Variants in HDAC4 observed in about 807,000 individuals in gnomAD.
HDAC4 encodes histone deacetylase 4, also known as histone deacetylase A.
HDAC4 carries 16 observed loss-of-function variants against 135.1 expected under a neutral mutation model. The ratio of observed to expected loss-of-function variants is 0.12; its 90% CI spans 0.08 to 0.18. The LOEUF is 0.18. HDAC4 is among the 10% of genes least tolerant of loss of function. HDAC4 has a pLI of 1.00. For synonymous variants in HDAC4, 685 were observed against 653.4 expected (o/e 1.05, Z -0.74); for missense variants, 1,143 against 1,511.8 (o/e 0.76, Z 4.05).
chr2:239,377,334 G>A (rs1019321465), intron 1 of HDAC4, among the ~76,000 whole-genome samples: 4 of 152,328 alleles, frequency 2.6e-5, no homozygotes, highest in African/African-American at 4.8e-5. Flanking sequence ...TGCCTCTGGA[G>A]GCCCCAAAAT....
intron 1 of HDAC4, among the ~76,000 whole-genome samples, chr2:239,375,108 G>C (rs1477317036): frequency 2.6e-5 from 4 of 152,150 alleles, no homozygotes; most frequent in Non-Finnish European, 5.9e-5. Flanking sequence ...AACACGCAGA[G>C]CCAGGCAGGG....
intron 3 of HDAC4, among the ~76,000 whole-genome samples, chr2:239,213,700 C>T (rs779180923): frequency 5.3e-5 from 8 of 152,194 alleles, no homozygotes; most frequent in African/African-American, 1.4e-4. Context: ...CAAGGGGAGA[C>T]GCACAGGACA....
At chr2:239,184,585 G>C (rs1438292282) in intron 4 of HDAC4, among the ~76,000 whole-genome samples, 5 of 117,368 alleles carry the variant, frequency 4.3e-5, no homozygotes, top group Non-Finnish European at 7.0e-5. Context: ...GTGCCCTATC[G>C]GGGGGGGTCC....
intron 1 of HDAC4, among the ~76,000 whole-genome samples, chr2:239,379,319 C>T (rs1445768415): frequency 1.3e-5 from 2 of 152,166 alleles, no homozygotes; most frequent in Admixed American, 1.3e-4. Context: ...CCCGGGGAGA[C>T]GCACCAGGCC....
chr2:239,062,408 C>G (rs2032888342), intron 24 of HDAC4, among the ~76,000 whole-genome samples: 1 of 152,266 alleles, frequency 6.6e-6, no homozygotes, highest in Non-Finnish European at 1.5e-5. Context: ...TCAAAGGCTG[C>G]CGGGCAGAGG....
rs1310085856 is a variant in HDAC4 at position 239,352,003 on chromosome 2, C to T, written c.22+675G>A. On this transcript the variant is annotated intron_variant, in intron 2 of 26. Transcript: ENST00000543185. The surrounding 1 kb of genome is among the most constrained non-coding windows in gnomAD (Gnocchi z 4.4). Reference sequence around the variant, plus strand: ...TCATTATGGTGCACGCTCTCGGTGACTTTCCAAGGACAGAAAGTGTGAAGT... The same window carrying T: ...TCATTATGGTGCACGCTCTCGGTGATTTTCCAAGGACAGAAAGTGTGAAGT... Among the ~76,000 whole-genome samples, 1 of 152,172 alleles carries T rather than the reference C, an allele frequency of 6.6e-6. No individual in the cohort carries two copies. The highest frequency in any genetic ancestry group is 2.4e-5 in the African/African-American group (1 of 41,434).
At chr2:239,374,374 T>C (rs1037918350) in intron 1 of HDAC4, among the ~76,000 whole-genome samples, 10 of 118,572 alleles carry the variant, frequency 8.4e-5, no homozygotes, top group Admixed American at 1.7e-4. Flanking sequence ...CCCAGATGAA[T>C]AGAAAACAAG....
rs376803502 is a variant in HDAC4 at position 239,068,520 on chromosome 2, G to C, written c.2838C>G (p.Thr946=). The C allele has an allele frequency of 2.5e-6, 4 of 1,613,708 alleles. No homozygotes were observed. The highest frequency in any genetic ancestry group is 3.4e-6 in the Non-Finnish European group (4 of 1,179,754). The change falls in exon 23 of 27, where the codon ACC becomes ACG. Residue 946 remains threonine (T), a synonymous_variant. Transcript: ENST00000543185. This position sits in a 1 kb window ranked among gnomAD's most constrained non-coding sequence, Gnocchi z 4.4. ...CGGAGAGGTTGTAGCCCCCAAGAGG[G>C]GTGGGGTGGCCCTCCACGGCATCGA... is the stretch of plus-strand genomic sequence containing the variant. The part of the protein sequence containing the change: ...SGFDAVEGHP[T]PLGGYNLSAR...
At chr2:239,093,804 G>T in intron 17 of HDAC4, 1 of 361,278 alleles carries the variant, frequency 2.8e-6, no homozygotes, top group Non-Finnish European at 3.9e-6. Flanking sequence ...ATTCTGCCTT[G>T]CACAGGCGTG....
chr2:239,304,751 G>C (rs1018706308), intron 2 of HDAC4, among the ~76,000 whole-genome samples: 3 of 152,182 alleles, frequency 2.0e-5, no homozygotes, highest in African/African-American at 7.2e-5. Context: ...GCTTGCTTCT[G>C]AATCTCCTTA....
chr2:239,225,338 T>A (rs2047177528), intron 3 of HDAC4, among the ~76,000 whole-genome samples: 1 of 152,192 alleles, frequency 6.6e-6, no homozygotes, highest in Admixed American at 6.5e-5. Context: ...ACAAGTGAAA[T>A]GTTCAACCTA....
intron 3 of HDAC4, among the ~76,000 whole-genome samples, chr2:239,210,586 A>G (rs2046311255): frequency 6.6e-6 from 1 of 152,144 alleles, no homozygotes; most frequent in South Asian, 2.1e-4. Context: ...CTTGGAGGAG[A>G]CCGGCCCTGC....
intron 7 of HDAC4, among the ~76,000 whole-genome samples, chr2:239,156,311 A>G (rs1407837067): frequency 6.6e-6 from 1 of 152,222 alleles, no homozygotes; most frequent in Admixed American, 6.5e-5. Flanking sequence ...TGGCCCACCA[A>G]CAGGAACTTG....
At chr2:239,183,298 A>T (rs1358380447) in intron 4 of HDAC4, among the ~76,000 whole-genome samples, 1 of 152,272 alleles carries the variant, frequency 6.6e-6, no homozygotes, top group Non-Finnish European at 1.5e-5. Flanking sequence ...TAACCCAAAA[A>T]GATTTTCACT....
intron 6 of HDAC4, among the ~76,000 whole-genome samples, chr2:239,157,476 C>T (rs932226498): frequency 6.6e-6 from 1 of 152,212 alleles, no homozygotes; most frequent in Admixed American, 6.5e-5. Flanking sequence ...AGACAGGAAT[C>T]GTCTGCCAGG....
intron 12 of HDAC4, among the ~76,000 whole-genome samples, chr2:239,124,285 T>TC (rs2039940688): frequency 6.6e-6 from 1 of 152,198 alleles, no homozygotes; most frequent in South Asian, 2.1e-4. Flanking sequence ...GAGGCGCTGT[T>TC]CCCCAGAAAT....
chr2:239,075,852 G>A (rs897547201), intron 22 of HDAC4, among the ~76,000 whole-genome samples: 1 of 151,118 alleles, frequency 6.6e-6, no homozygotes, highest in Non-Finnish European at 1.5e-5. Context: ...CACTCCCCTT[G>A]GTTTCCCGGG....
rs1693254440 is a variant in HDAC4 at position 239,352,884 on chromosome 2, T to C, written c.-185A>G. 4.6e-6 allele frequency: 3 copies of C among 653,868 alleles called. No individual in the cohort carries two copies. In the Admixed American group the frequency reaches 7.0e-5, roughly 15 times the overall value. 40.5% of individuals were successfully genotyped at this position (653,868 alleles called of 1,614,324 possible). A position where few individuals can be genotyped will look rare whatever the true frequency, so the allele number is the denominator to read the frequency against. On this transcript the variant is annotated 5_prime_UTR_variant, in exon 2 of 27. Transcript: ENST00000543185. The surrounding 1 kb of genome is among the most constrained non-coding windows in gnomAD (Gnocchi z 4.4). ...CTCATGAGCCAGGTAACCCACAAGTTGAACAGAGGCGTCCGCTGGCTTCTG... is the reference window on the plus strand; with the variant it reads ...CTCATGAGCCAGGTAACCCACAAGTCGAACAGAGGCGTCCGCTGGCTTCTG...
intron 3 of HDAC4, among the ~76,000 whole-genome samples, chr2:239,223,803 T>C (rs371607674): frequency 2.2e-4 from 33 of 151,850 alleles, no homozygotes; most frequent in African/African-American, 6.3e-4. Flanking sequence ...AGGAACACTT[T>C]ACAAAGTAGG....
Sources: gnomAD v4.1 joint callset for allele counts (sites outside exome capture counted in the v4.1 genomes callset) on GRCh38, gnomAD v4.1.1 for gene constraint, Gnocchi (gnomAD v3.1) non-coding constraint, MANE v1.5 for transcripts, NCBI Gene and HGNC (gene_info 2026-07-23, HGNC 2026-07-21) for gene names.